HECW1: variants seen among roughly 807,000 people sequenced by gnomAD.
HECW1 encodes the protein HECT, C2 and WW domain containing E3 ubiquitin protein ligase 1.
A neutral mutation model predicts 182.3 loss-of-function variants in HECW1; 61 were observed. The ratio of observed to expected loss-of-function variants is 0.33; its 90% CI spans 0.27 to 0.41. HECW1 has a LOEUF of 0.41. HECW1 is among the 10% of genes least tolerant of loss of function. The pLI, the probability that HECW1 is intolerant of heterozygous loss-of-function variation, is 1.00. For synonymous variants in HECW1, 859 were observed against 832.6 expected, an observed-to-expected ratio of 1.03 and a Z score of -0.55; for missense variants, 1,739 against 2,108.9, an observed-to-expected ratio of 0.82 and a Z score of 3.44.
At chr7:43,488,494 G>GAAAGAGAAAA (rs1554440719) in intron 17 of HECW1, among the ~76,000 whole-genome samples, 1,812 of 144,182 alleles carry the variant, frequency 0.013, 28 homozygotes, top group Middle Eastern at 0.039. Context: ...GAAAGAGAAA[G>GAAAGAGAAAA]AAAGAAAGAA....
intron 5 of HECW1, among the ~76,000 whole-genome samples, chr7:43,352,612 G>A (rs774420902): frequency 3.3e-4 from 51 of 152,296 alleles, no homozygotes; most frequent in Non-Finnish European, 6.0e-4. Flanking sequence ...CCTTATGTAA[G>A]TGGCCTTAAT....
chr7:43,220,039 G>A (rs183243315), intron 2 of HECW1, among the ~76,000 whole-genome samples: 24 of 152,210 alleles, frequency 1.6e-4, no homozygotes, highest in Admixed American at 1.5e-3. Context: ...AAGTCAACAC[G>A]GTCCCCCACA....
chr7:43,398,446 C>T (rs17206894), intron 7 of HECW1, among the ~76,000 whole-genome samples: 5,492 of 152,148 alleles, frequency 0.036, 122 homozygotes, highest in Middle Eastern at 0.12. Flanking sequence ...CTTAGCTTGT[C>T]AAATCAACAG....
intron 2 of HECW1, among the ~76,000 whole-genome samples, chr7:43,224,037 A>G (rs1251346316): frequency 6.6e-6 from 1 of 152,050 alleles, no homozygotes; most frequent in African/African-American, 2.4e-5. Context: ...ATCACTTTCT[A>G]CTATACTACA....
chr7:43,348,925 C>A lies in HECW1; in HGVS notation c.461-11961C>A, dbSNP rs143501188. 4.8e-3 allele frequency among the ~76,000 whole-genome samples: 725 copies of A among 152,230 alleles called. 6 individuals carry two copies. The highest frequency in any genetic ancestry group is 7.4e-3 in the Non-Finnish European group (501 of 68,026). ...AATTTATTGAGGCTCATTTTATGGC[C>A]TATCATATGATCTATCTTGGAGAAA... On this transcript the variant is annotated intron_variant, in intron 5 of 29. Coordinates refer to ENST00000395891, the MANE Select transcript of HECW1 (RefSeq NM_015052.5).
intron 3 of HECW1, among the ~76,000 whole-genome samples, chr7:43,296,072 G>C (rs1286223957): frequency 6.6e-6 from 1 of 152,156 alleles, no homozygotes; most frequent in Non-Finnish European, 1.5e-5. Flanking sequence ...AAATATTCAT[G>C]TGTTAAAATG....
At chr7:43,438,204 AG>A in intron 9 of HECW1, 59 bp downstream of exon 9, 3 of 1,516,942 alleles carry the variant, frequency 2.0e-6, no homozygotes, top group Non-Finnish European at 2.7e-6. Flanking sequence ...TCGTGCCCAA[AG>A]GTGGCCTGTA....
chr7:43,119,057 A>G (rs1330605537), intron 2 of HECW1: 1 of 152,418 alleles, frequency 6.6e-6, no homozygotes, highest in African/African-American at 2.4e-5. Context: ...CACATTGAAC[A>G]TATATGAAAT....
In HECW1 at chr7:43,434,347, A is replaced by G. The variant is rs929067974; in HGVS notation, c.802-3656A>G. On this transcript the variant is annotated intron_variant, in intron 8 of 29. Coordinates refer to ENST00000395891, the MANE Select transcript of HECW1 (RefSeq NM_015052.5). ...CTGGATAGAATAGGAATGGAGAGGG[A>G]AGAAATTTGGTCTAACATGGCGTGG... 3.3e-5 allele frequency among the ~76,000 whole-genome samples: 5 copies of G among 152,324 alleles called. No individual in the cohort carries two copies. The South Asian group carries it at 1.0e-3, about 32-fold the overall frequency.
At chr7:43,392,071 A>G (rs1161019654) in intron 6 of HECW1, among the ~76,000 whole-genome samples, 1 of 152,190 alleles carries the variant, frequency 6.6e-6, no homozygotes, top group Non-Finnish European at 1.5e-5. Flanking sequence ...TGATAATGTA[A>G]TGATATTTTC....
intron 7 of HECW1, among the ~76,000 whole-genome samples, chr7:43,402,242 C>A (rs2075446264): frequency 6.6e-6 from 1 of 152,170 alleles, no homozygotes; most frequent in Non-Finnish European, 1.5e-5. Context: ...CCGCAGATGG[C>A]AGAGCTAAAG....
chr7:43,485,511 C>A (rs969181530), intron 17 of HECW1, among the ~76,000 whole-genome samples: 1 of 152,036 alleles, frequency 6.6e-6, no homozygotes, highest in Non-Finnish European at 1.5e-5. Flanking sequence ...TCCTAGAGTG[C>A]GCTTACACAA....
intron 24 of HECW1, among the ~76,000 whole-genome samples, chr7:43,536,658 G>A (rs2081188461): frequency 1.3e-5 from 2 of 152,172 alleles, no homozygotes; most frequent in African/African-American, 4.8e-5. Flanking sequence ...TGGCCCCCAT[G>A]AGAAGCAGAA....
chr7:43,547,449 A>C (rs1290574542), intron 26 of HECW1, among the ~76,000 whole-genome samples: 1 of 152,084 alleles, frequency 6.6e-6, no homozygotes, highest in Non-Finnish European at 1.5e-5. Context: ...CGGGAGGCTG[A>C]GGCAGGAGAG....
intron 3 of HECW1, among the ~76,000 whole-genome samples, chr7:43,301,717 A>G (rs1038890447): frequency 2.0e-5 from 3 of 152,132 alleles, no homozygotes; most frequent in African/African-American, 7.2e-5. Flanking sequence ...TACTAAAAAT[A>G]CAAAACAATT....
chr7:43,333,683 C>T (rs528213103), intron 5 of HECW1, among the ~76,000 whole-genome samples: 2 of 152,284 alleles, frequency 1.3e-5, no homozygotes, highest in African/African-American at 4.8e-5. Context: ...TGAAGGACAG[C>T]AGCCATTACA....
chr7:43,434,177 A>C (rs1313061739), intron 8 of HECW1, among the ~76,000 whole-genome samples: 4 of 152,222 alleles, frequency 2.6e-5, no homozygotes, highest in African/African-American at 9.6e-5. Flanking sequence ...TAAGCATTTG[A>C]AATAGGCCTA....
intron 3 of HECW1, among the ~76,000 whole-genome samples, chr7:43,259,074 T>C (rs1034696960): frequency 2.6e-5 from 4 of 152,220 alleles, no homozygotes; most frequent in African/African-American, 9.7e-5. Context: ...TGCTTCAGTC[T>C]GCACTATTCT....
intron 8 of HECW1, among the ~76,000 whole-genome samples, chr7:43,415,816 C>T (rs1217589724): frequency 4.2e-5 from 6 of 141,734 alleles, no homozygotes; most frequent in East Asian, 4.0e-4. Flanking sequence ...TCCAGTTGAT[C>T]GCATCGGCTC....
Sources: allele counts gnomAD v4.1 joint callset (sites outside exome capture counted in the v4.1 genomes callset), GRCh38; gene constraint gnomAD v4.1.1; transcripts MANE v1.5; gene names NCBI Gene and HGNC (gene_info 2026-07-23, HGNC 2026-07-21).